Variants in TRIM9 observed in about 807,000 individuals in gnomAD.
The protein encoded by TRIM9 is E3 ubiquitin-protein ligase TRIM9.
TRIM9 carries 26 observed loss-of-function variants against 78.3 expected under a neutral mutation model. The ratio of observed to expected loss-of-function variants is 0.33; its 90% CI spans 0.24 to 0.46. The LOEUF is 0.46. TRIM9 is among the 20% of genes least tolerant of loss of function. The probability of loss-of-function intolerance (pLI) is 1.00; values close to 1 mark genes in which losing one functional copy is unlikely to be tolerated. For synonymous variants in TRIM9, 398 were observed against 416.5 expected (o/e 0.96, Z 0.54); for missense variants, 787 against 1,036.4 (o/e 0.76, Z 3.30).
At chr14:50,986,192 G>T (rs753313295) in intron 7 of TRIM9, 48 bp from the exon 8 acceptor site, 39 of 1,418,188 alleles carry the variant, frequency 2.7e-5, no homozygotes, top group Non-Finnish European at 3.4e-5. Flanking sequence ...CTGCTATTAT[G>T]TCCCCGTGCA....
intron 12 of TRIM9, among the ~76,000 whole-genome samples, chr14:50,978,379 G>A (rs1026999343): frequency 6.6e-6 from 1 of 151,894 alleles, no homozygotes; most frequent in African/African-American, 2.4e-5. Context: ...CGGCTGGCAG[G>A]GCACAGCTCT....
At chr14:51,013,226 ATT>A (rs72053355) in intron 3 of TRIM9, among the ~76,000 whole-genome samples, 60,458 of 139,864 alleles carry the variant, frequency 0.43, 12,440 homozygotes, top group South Asian at 0.61. Context: ...GTCTAACTTC[ATT>A]TTTTTTTTTT....
intron 3 of TRIM9, among the ~76,000 whole-genome samples, chr14:51,016,245 G>A (rs1420356557): frequency 6.6e-6 from 1 of 152,164 alleles, no homozygotes; most frequent in Admixed American, 6.5e-5. Context: ...CCCCCGGGCC[G>A]TGGACTGGCA....
At chr14:51,006,491 T>A (rs2055821014) in intron 5 of TRIM9, among the ~76,000 whole-genome samples, 1 of 152,204 alleles carries the variant, frequency 6.6e-6, no homozygotes, top group Admixed American at 6.5e-5. Context: ...GACCTTTGGC[T>A]TTTTCTTTCC....
At position 51,095,053 on chromosome 14, in the gene TRIM9, G is replaced by A. The variant is rs975885737; in HGVS notation, c.-114C>T. 1.4e-6 allele frequency: 1 copy of A among 729,488 alleles called. No homozygotes were observed. The highest frequency in any genetic ancestry group is 1.8e-5 in the African/African-American group (1 of 55,714). The allele number at this position is 729,488 out of a possible 1,614,324, so 45.2% of individuals were successfully genotyped here. The stretch of plus-strand genomic sequence containing the variant: ...GGCCAGCGGCGGCGGCTGTGGTGGT[G>A]GTGCCTTCCCGCGCAGCACTGGCAC... On this transcript the variant is annotated 5_prime_UTR_variant, in exon 1 of 13. Transcript: ENST00000684578.
chr14:51,025,470 G>T, intron 1 of TRIM9, 110 bp from the exon 2 acceptor site: 1 of 930,518 alleles, frequency 1.1e-6, no homozygotes. Context: ...CCTCTTGTCT[G>T]AGGTTGGACC....
At chr14:51,087,853 T>C (rs1394392310) in intron 1 of TRIM9, among the ~76,000 whole-genome samples, 2 of 152,204 alleles carry the variant, frequency 1.3e-5, no homozygotes, top group African/African-American at 2.4e-5. Context: ...AATGAAAAAC[T>C]CAATTAGACC....
chr14:51,016,363 C>T (rs183126663), intron 3 of TRIM9, among the ~76,000 whole-genome samples: 1 of 152,138 alleles, frequency 6.6e-6, no homozygotes, highest in Non-Finnish European at 1.5e-5. Flanking sequence ...AGGAACCCTA[C>T]TGTGAACTGC....
intron 3 of TRIM9, among the ~76,000 whole-genome samples, chr14:51,018,576 G>A (rs1351499247): frequency 6.6e-6 from 1 of 152,168 alleles, no homozygotes; most frequent in South Asian, 2.1e-4. Flanking sequence ...AGATAATGGT[G>A]AAAAGAATGA....
At chr14:51,025,187 A>C in intron 2 of TRIM9, 78 bp downstream of exon 2, 1 of 1,277,222 alleles carries the variant, frequency 7.8e-7, no homozygotes, top group Admixed American at 2.0e-5. Flanking sequence ...TAAAAATAAA[A>C]GAGGAGAAGG....
chr14:50,979,132 G>A (rs1035113962), intron 12 of TRIM9: 33 of 1,400,010 alleles, frequency 2.4e-5, no homozygotes, highest in African/African-American at 2.9e-5. Context: ...ATGATCATTA[G>A]CCAACCATGA....
At chr14:51,064,003 T>C (rs572698092) in intron 1 of TRIM9, among the ~76,000 whole-genome samples, 3 of 152,194 alleles carry the variant, frequency 2.0e-5, no homozygotes, top group Admixed American at 6.5e-5. Flanking sequence ...GGCATATGAT[T>C]ATTAAAGGCA....
intron 3 of TRIM9, among the ~76,000 whole-genome samples, chr14:51,020,353 C>T (rs2057636365): frequency 6.6e-6 from 1 of 152,128 alleles, no homozygotes; most frequent in Non-Finnish European, 1.5e-5. Flanking sequence ...GAAGCAATGA[C>T]AGATATAATC....
intron 1 of TRIM9, among the ~76,000 whole-genome samples, chr14:51,049,205 G>T (rs962726633): frequency 6.6e-6 from 1 of 152,128 alleles, no homozygotes; most frequent in African/African-American, 2.4e-5. Flanking sequence ...GGGACTACAG[G>T]CATGCGCCAT....
chr14:51,066,082 A>AGGG (rs1566631048), intron 1 of TRIM9, among the ~76,000 whole-genome samples: 48 of 97,810 alleles, frequency 4.9e-4, no homozygotes, highest in African/African-American at 1.8e-3. Context: ...GGAAGGAAGG[A>AGGG]AGGAAGGAGG....
At chr14:50,982,335 G>T (rs957384698) in intron 10 of TRIM9, 5 of 566,518 alleles carry the variant, frequency 8.8e-6, no homozygotes, top group Non-Finnish European at 1.3e-5. Context: ...GGCTCAGACT[G>T]CACTCCCAAC....
rs897829977 is a variant in TRIM9 at position 51,010,381 on chromosome 14, T to C, written c.1152+3A>G. 3 of 1,610,892 alleles carry C rather than the reference T, an allele frequency of 1.9e-6. No individual in the cohort carries two copies. Among genetic ancestry groups the C allele is most frequent in the Admixed American group, 1.7e-5 (1 of 59,960 alleles). On this transcript the variant is annotated splice_donor_region_variant and intron_variant, in intron 4 of 12. Coordinates refer to ENST00000684578, the MANE Select transcript of TRIM9 (RefSeq NM_001387360.1). ...TCTGACGCAGAAACTAGTTAACTCT[T>C]ACCTGCAAAAAACCACTAGGATCAT... is the stretch of plus-strand genomic sequence containing the variant.
chr14:50,996,613 G>GT (rs2054237332), intron 7 of TRIM9: 1 of 985,436 alleles, frequency 1.0e-6, no homozygotes, highest in South Asian at 4.7e-5. Context: ...CATGGGAAAT[G>GT]AGGCCATCAC....
rs1242256405 is a variant in TRIM9, at chr14:50,976,943, ACC to A, written c.*346_*347del. The A allele has an allele frequency of 5.8e-6, 1 of 173,570 alleles. No homozygotes were observed. The highest frequency in any genetic ancestry group is 1.2e-5 in the Non-Finnish European group (1 of 82,150). 10.8% of individuals were successfully genotyped at this position (173,570 alleles called of 1,614,324 possible). ...CCTGGCGGTGCCAGTCCAGTAAGTC[ACC>A]AATAACCTGATCAGAAAAGAAAGAA... On this transcript the variant is annotated 3_prime_UTR_variant, in exon 13 of 13. Transcript: ENST00000684578.
Sources: allele counts gnomAD v4.1 joint callset (sites outside exome capture counted in the v4.1 genomes callset), GRCh38; gene constraint gnomAD v4.1.1; transcripts MANE v1.5; gene names NCBI Gene and HGNC (gene_info 2026-07-23, HGNC 2026-07-21).